NCOA6: variants seen among roughly 807,000 people sequenced by gnomAD.
NCOA6 encodes the protein nuclear receptor coactivator 6.
NCOA6 carries 49 observed loss-of-function variants against 171.4 expected under a neutral mutation model. The observed-to-expected ratio is 0.29, with a 90% CI of 0.23 to 0.36. The LOEUF is 0.36. NCOA6 is among the 10% of genes least tolerant of loss of function. The probability of loss-of-function intolerance (pLI) is 1.00; values close to 1 mark genes in which losing one functional copy is unlikely to be tolerated. For synonymous variants in NCOA6, 910 were observed against 927.5 expected (o/e 0.98, Z 0.34); for missense variants, 2,248 against 2,554.5 (o/e 0.88, Z 2.59).
At chr20:34,805,858 T>C (rs1373310745) in intron 1 of NCOA6, among the ~76,000 whole-genome samples, 1 of 152,104 alleles carries the variant, frequency 6.6e-6, no homozygotes, top group African/African-American at 2.4e-5. Flanking sequence ...CAGCTAATTT[T>C]TGTATTTTTA....
At chr20:34,824,433 T>C (rs2079093262) in intron 1 of NCOA6, among the ~76,000 whole-genome samples, 1 of 152,258 alleles carries the variant, frequency 6.6e-6, no homozygotes, top group African/African-American at 2.4e-5. Context: ...GTAGTTTTTA[T>C]ACATTCACTC....
At chr20:34,724,672 C>T (rs896276926) in intron 14 of NCOA6, among the ~76,000 whole-genome samples, 2 of 152,120 alleles carry the variant, frequency 1.3e-5, no homozygotes, top group African/African-American at 4.8e-5. Context: ...TCTGACCTGG[C>T]AGAAGAGCAA....
In NCOA6 at chr20:34,715,349, C is replaced by T. The variant is rs1289604451; in HGVS notation, c.6165G>A (p.Val2055=). The T allele has an allele frequency of 6.2e-7, 1 of 1,613,710 alleles. No individual in the cohort carries two copies. Among genetic ancestry groups the T allele is most frequent in the Non-Finnish European group, 8.5e-7 (1 of 1,179,742 alleles). The change falls in exon 15 of 15, where the codon GTG becomes GTA. Residue 2055 remains valine (V), a synonymous_variant. Transcript: ENST00000359003. ...ACTTGGATTTTCTTCGCTTGGATTG[C>T]ACCGCACTGGTTATGTCTGTGGGGG... ...SSSTKDITSA[V]QSKRRKSK
intron 1 of NCOA6, among the ~76,000 whole-genome samples, chr20:34,802,722 T>C (rs552244825): frequency 6.6e-6 from 1 of 152,176 alleles, no homozygotes; most frequent in Non-Finnish European, 1.5e-5. Flanking sequence ...AAAATATAGG[T>C]TTAATTATAT....
Position 34,757,765 on chromosome 20 carries a change from G to A in NCOA6, c.983C>T (p.Pro328Leu). The change falls in exon 7 of 15, where the codon CCT becomes CTT. Residue 328 changes from proline (P) to leucine (L), a missense_variant. Around this residue, in one of 7 missense-constraint regions of NCOA6, gnomAD observed 987 missense variants for 1,104.7 expected, o/e 0.89. Coordinates refer to ENST00000359003, the MANE Select transcript of NCOA6 (RefSeq NM_014071.5). ...WNQLPSGALQ[P>L]PPAQGSLGTM... ...GCCCAGAGAACCCTGGGCTGGAGGA[G>A]GTTGAAGGGCTCCAGAAGGCAGCTG... The A allele has an allele frequency of 6.2e-7, 1 of 1,614,152 alleles. No individual in the cohort carries two copies. The highest frequency in any genetic ancestry group is 2.2e-5 in the East Asian group (1 of 44,874).
intron 14 of NCOA6, among the ~76,000 whole-genome samples, chr20:34,717,460 A>G (rs1043588087): frequency 1.1e-4 from 17 of 152,194 alleles, no homozygotes; most frequent in African/African-American, 4.1e-4. Flanking sequence ...CAAAAAAAAT[A>G]AAAAAATAAA....
chr20:34,785,035 C>T (rs1001365351), intron 2 of NCOA6, among the ~76,000 whole-genome samples: 5 of 151,720 alleles, frequency 3.3e-5, no homozygotes, highest in African/African-American at 7.3e-5. Context: ...GAGCTGAGAT[C>T]GCACCACTGC....
intron 5 of NCOA6, among the ~76,000 whole-genome samples, chr20:34,763,199 CCCT>C (rs2076869460): frequency 6.6e-6 from 1 of 152,104 alleles, no homozygotes; most frequent in Non-Finnish European, 1.5e-5. Context: ...TGACTGTCAT[CCCT>C]CCTCAATTTC....
At chr20:34,751,414 T>C (rs1253485024) in intron 8 of NCOA6, among the ~76,000 whole-genome samples, 3 of 142,598 alleles carry the variant, frequency 2.1e-5, no homozygotes, top group Non-Finnish European at 4.6e-5. Context: ...AAGTGTCCTC[T>C]TAGGAAAACC....
rs150690735 is a variant in NCOA6 at position 34,812,010 on chromosome 20, G to A, written c.-164+13462C>T. Reference sequence around the variant, plus strand: ...CATGCCTGTAATCCCAGCACTTTGGGAGGCCGAGGTGGGAGGATCACAAGG... The same window carrying A: ...CATGCCTGTAATCCCAGCACTTTGGAAGGCCGAGGTGGGAGGATCACAAGG... On this transcript the variant is annotated intron_variant, in intron 1 of 14. Transcript: ENST00000359003. Among the ~76,000 whole-genome samples the A allele has an allele frequency of 7.7e-3, 1,174 of 152,198 alleles. 18 individuals carry two copies. Among genetic ancestry groups the A allele is most frequent in the African/African-American group, 0.027 (1,113 of 41,520 alleles).
chr20:34,776,667 T>C (rs2077332682), intron 3 of NCOA6: 1 of 660,208 alleles, frequency 1.5e-6, no homozygotes, highest in Admixed American at 2.2e-5. Context: ...TTCTGAAACT[T>C]ATCTTTTTCT....
intron 1 of NCOA6, among the ~76,000 whole-genome samples, chr20:34,798,519 C>T (rs2078155800): frequency 6.6e-6 from 1 of 152,142 alleles, no homozygotes; most frequent in Non-Finnish European, 1.5e-5. Flanking sequence ...GGCGAGAGAC[C>T]CAGTGCTGTG....
intron 12 of NCOA6, among the ~76,000 whole-genome samples, chr20:34,733,308 T>G (rs1259428230): frequency 1.3e-5 from 2 of 152,192 alleles, no homozygotes; most frequent in African/African-American, 4.8e-5. Flanking sequence ...CAGATAGCAG[T>G]GATCTATCCT....
chr20:34,793,610 T>A (rs2077965538), intron 1 of NCOA6, among the ~76,000 whole-genome samples: 2 of 151,752 alleles, frequency 1.3e-5, no homozygotes, highest in Non-Finnish European at 2.9e-5. Context: ...GCAAGAAAGC[T>A]AGATCCTGTC....
At chr20:34,724,184 G>C (rs934806123) in intron 14 of NCOA6, among the ~76,000 whole-genome samples, 15 of 152,244 alleles carry the variant, frequency 9.9e-5, no homozygotes, top group African/African-American at 3.6e-4. Flanking sequence ...CCTAAAATGA[G>C]GATACCTAAG....
At chr20:34,763,837 AATCT>A (rs2076889302) in intron 5 of NCOA6, among the ~76,000 whole-genome samples, 1 of 151,984 alleles carries the variant, frequency 6.6e-6, no homozygotes. Flanking sequence ...ACATTTTCCT[AATCT>A]ATCTTTCACT....
chr20:34,784,314 T>A (rs1466442057), intron 2 of NCOA6, among the ~76,000 whole-genome samples: 1 of 151,936 alleles, frequency 6.6e-6, no homozygotes, highest in Admixed American at 6.6e-5. Context: ...AGCCTCAACC[T>A]CCTGGGCTCA....
At chr20:34,733,714 T>G (rs913255177) in intron 12 of NCOA6, among the ~76,000 whole-genome samples, 1 of 151,880 alleles carries the variant, frequency 6.6e-6, no homozygotes, top group African/African-American at 2.4e-5. Flanking sequence ...CTGCCTTTAA[T>G]GCAAGGTGCT....
Position 34,751,950 on chromosome 20 carries a change from T to C in NCOA6, c.1676-1431A>G, listed in dbSNP as rs572816361. On this transcript the variant is annotated intron_variant, in intron 8 of 14. Transcript: ENST00000359003. ...TCGGCTCATTGCAACCTCCACCTCC[T>C]GGGTTCAAGTGATTTTCATGCCTCA... Among the ~76,000 whole-genome samples, 14 of 152,274 alleles carry C rather than the reference T, an allele frequency of 9.2e-5. No individual in the cohort carries two copies. In the East Asian group the frequency reaches 2.7e-3, roughly 29 times the overall value.
Sources: allele counts gnomAD v4.1 joint callset (sites outside exome capture counted in the v4.1 genomes callset), GRCh38; gene constraint gnomAD v4.1.1; regional missense constraint gnomAD v4.1.1; transcripts MANE v1.5; gene names NCBI Gene and HGNC (gene_info 2026-07-23, HGNC 2026-07-21).